Variants in FBXO31 observed in about 807,000 individuals in gnomAD.
FBXO31 encodes the protein F-box protein 31, also known as F-box only protein 31.
FBXO31 carries 24 observed loss-of-function variants against 54.4 expected under a neutral mutation model. That is an observed-to-expected ratio of 0.44 (90% CI 0.32 to 0.62). The LOEUF (loss-of-function observed/expected upper bound fraction) is 0.62, where lower values mean the gene tolerates loss of function less well. FBXO31 is among the 20% of genes least tolerant of loss of function. The pLI, the probability that FBXO31 is intolerant of heterozygous loss-of-function variation, is 0.05. For missense variants in FBXO31, 665 were observed against 787.1 expected, an observed-to-expected ratio of 0.84 and a Z score of 1.86; for synonymous variants, 388 against 335.6, an observed-to-expected ratio of 1.16 and a Z score of -1.71.
chr16:87,346,668 G>C lies in FBXO31; in HGVS notation c.489+506C>G, dbSNP rs1309672199. On this transcript the variant is annotated intron_variant, in intron 3 of 8. Coordinates refer to ENST00000311635, the MANE Select transcript of FBXO31 (RefSeq NM_024735.5). The surrounding 1 kb of genome is among the most constrained non-coding windows in gnomAD (Gnocchi z 4.2). Reference sequence around the variant, plus strand: ...TTCTAGCACTTTCTAGCAGGGGCCAGCCACCTGCCCAGAGCTCAACAAAGT... The same window carrying C: ...TTCTAGCACTTTCTAGCAGGGGCCACCCACCTGCCCAGAGCTCAACAAAGT... Among the ~76,000 whole-genome samples the C allele has an allele frequency of 6.6e-6, 1 of 152,228 alleles. No homozygotes were observed. Among genetic ancestry groups the C allele is most frequent in the Non-Finnish European group, 1.5e-5 (1 of 68,048 alleles).
At chr16:87,385,393 G>C (rs1452580656), upstream of FBXO31, among the ~76,000 whole-genome samples, 2 of 151,640 alleles carry the variant, frequency 1.3e-5, no homozygotes, top group African/African-American at 4.8e-5. Flanking sequence ...GGGAGGCAGA[G>C]CTTGCAGTGA....
chr16:87,335,230 A>T lies in FBXO31; in HGVS notation c.996+74T>A. ...GGGTGCCGGGGATCAGTGTCTGCCC[A>T]AGTTCCCTGACTCCACAGCCCACTT... is the stretch of plus-strand genomic sequence containing the variant. On this transcript the variant is annotated intron_variant, in intron 7 of 8. Coordinates refer to ENST00000311635, the MANE Select transcript of FBXO31 (RefSeq NM_024735.5). The surrounding 1 kb of genome is among the most constrained non-coding windows in gnomAD (Gnocchi z 5.7). 1 of 1,596,396 alleles carries T rather than the reference A, an allele frequency of 6.3e-7. No individual in the cohort carries two copies. Among genetic ancestry groups the T allele is most frequent in the Admixed American group, 1.7e-5 (1 of 59,970 alleles).
chr16:87,331,211 T>G lies in FBXO31; in HGVS notation c.*77A>C, dbSNP rs1904842660. 1 of 1,458,394 alleles carries G rather than the reference T, an allele frequency of 6.9e-7. No individual in the cohort carries two copies. Among genetic ancestry groups the G allele is most frequent in the Non-Finnish European group, 9.5e-7 (1 of 1,051,624 alleles). 90.3% of individuals were successfully genotyped at this position (1,458,394 alleles called of 1,614,324 possible). On this transcript the variant is annotated 3_prime_UTR_variant, in exon 9 of 9. Coordinates refer to ENST00000311635, the MANE Select transcript of FBXO31 (RefSeq NM_024735.5). ...TGGTCAAAAGGCCGGATTTCCAAAG[T>G]GCATGCTGCTTCTATTCACAGGTCA...
At chr16:87,391,244 C>G (rs573425340), upstream of FBXO31, among the ~76,000 whole-genome samples, 1 of 152,148 alleles carries the variant, frequency 6.6e-6, no homozygotes, top group Non-Finnish European at 1.5e-5. Context: ...GCGACCGAGG[C>G]CGCCGCGAGC....
chr16:87,348,089 G>A (rs1158767752), intron 2 of FBXO31, among the ~76,000 whole-genome samples: 1 of 152,128 alleles, frequency 6.6e-6, no homozygotes, highest in Admixed American at 6.5e-5. Flanking sequence ...ACCCCATGGG[G>A]TATGGGCCAC....
intron 1 of FBXO31, among the ~76,000 whole-genome samples, chr16:87,373,608 A>G (rs1906696859): frequency 6.6e-6 from 1 of 151,410 alleles, no homozygotes; most frequent in South Asian, 2.1e-4. Context: ...AGCTCACTGC[A>G]GCCTTGAACT....
chr16:87,381,385 G>A (rs993984193), intron 1 of FBXO31, among the ~76,000 whole-genome samples: 1 of 152,174 alleles, frequency 6.6e-6, no homozygotes, highest in African/African-American at 2.4e-5. Context: ...ATTTAGGGGA[G>A]AGGGCTTCAC....
At position 87,358,222 on chromosome 16, in the gene FBXO31, G is replaced by C. The variant is rs1187979213; in HGVS notation, c.412+2073C>G. ...AAATGCAGCCTGGGTCCAACACACAGGTGTGATCTCTGTCACAGCTGAAGC... is the reference window on the plus strand; with the variant it reads ...AAATGCAGCCTGGGTCCAACACACACGTGTGATCTCTGTCACAGCTGAAGC... On this transcript the variant is annotated intron_variant, in intron 2 of 8. Transcript: ENST00000311635. The surrounding 1 kb of genome is among the most constrained non-coding windows in gnomAD (Gnocchi z 4.0). Among the ~76,000 whole-genome samples, 3 of 152,126 alleles carry C rather than the reference G, an allele frequency of 2.0e-5. No individual in the cohort carries two copies. Among genetic ancestry groups the C allele is most frequent in the Non-Finnish European group, 4.4e-5 (3 of 68,036 alleles).
At chr16:87,353,324 G>A (rs542209680) in intron 2 of FBXO31, among the ~76,000 whole-genome samples, 7 of 152,288 alleles carry the variant, frequency 4.6e-5, no homozygotes, top group South Asian at 2.1e-4. Context: ...CTCAGGACCC[G>A]CACCTTTACC....
chr16:87,347,438 A>C (rs1400886961), intron 2 of FBXO31, among the ~76,000 whole-genome samples, 188 bp from the exon 3 acceptor site: 1 of 152,178 alleles, frequency 6.6e-6, no homozygotes, highest in African/African-American at 2.4e-5. Context: ...TCACGCCTTT[A>C]ATCCCAGCAC....
chr16:87,363,208 A>G (rs1029625574), intron 1 of FBXO31, among the ~76,000 whole-genome samples: 1 of 152,066 alleles, frequency 6.6e-6, no homozygotes, highest in African/African-American at 2.4e-5. Flanking sequence ...AACATGGAGA[A>G]ACCCCGTCTC....
chr16:87,383,576 C>T lies in FBXO31; in HGVS notation c.169G>A (p.Gly57Ser), dbSNP rs1284897727. Residue 57 changes from glycine (G) to serine (S), a missense_variant, in exon 1 of 9, where the codon GGC (glycine) becomes AGC (serine). Around this residue, in one of 4 missense-constraint regions of FBXO31, gnomAD observed 195 missense variants for 174.8 expected, o/e 1.12. Transcript: ENST00000311635. The surrounding 1 kb of genome is among the most constrained non-coding windows in gnomAD (Gnocchi z 4.9). Reference protein sequence around the residue: ...SAGVGGGLCAGPSPPPPRCSL... With the variant: ...SAGVGGGLCASPSPPPPRCSL... ...CAGCGCGGGGGCGGCGGCGAGGGGC[C>T]CGCGCACAAGCCGCCCCCGACCCCG... 6.0e-6 allele frequency: 9 copies of T among 1,507,146 alleles called. No homozygotes were observed. Among genetic ancestry groups the T allele is most frequent in the Non-Finnish European group, 7.9e-6 (9 of 1,133,268 alleles). 93.4% of individuals were successfully genotyped at this position (1,507,146 alleles called of 1,614,324 possible). A position where few individuals can be genotyped will look rare whatever the true frequency, so the allele number is the denominator to read the frequency against.
intron 2 of FBXO31, among the ~76,000 whole-genome samples, chr16:87,355,483 T>C (rs1046593090): frequency 2.6e-5 from 4 of 152,198 alleles, no homozygotes; most frequent in African/African-American, 9.6e-5. Flanking sequence ...ACACAAGAAC[T>C]TTTTCTTCCT....
Position 87,346,104 on chromosome 16 carries a change from C to A in FBXO31, c.489+1070G>T, listed in dbSNP as rs1905374252. Among the ~76,000 whole-genome samples, 1 of 152,194 alleles carries A rather than the reference C, an allele frequency of 6.6e-6. No individual in the cohort carries two copies. Among genetic ancestry groups the A allele is most frequent in the South Asian group, 2.1e-4 (1 of 4,832 alleles). On this transcript the variant is annotated intron_variant, in intron 3 of 8. Coordinates refer to ENST00000311635, the MANE Select transcript of FBXO31 (RefSeq NM_024735.5). This position sits in a 1 kb window ranked among gnomAD's most constrained non-coding sequence, Gnocchi z 4.2. ...AGGAATCAGGGCCTGGGGATAGAGT[C>A]ACGGACGGCCTCCGGCTGGGCCCTA...
intron 2 of FBXO31, among the ~76,000 whole-genome samples, chr16:87,354,143 G>A (rs552613470): frequency 1.3e-5 from 2 of 152,230 alleles, no homozygotes; most frequent in Admixed American, 6.5e-5. Context: ...TCTGAGTAAA[G>A]GCTAAAATGA....
chr16:87,387,169 G>A (rs920834673), upstream of FBXO31, among the ~76,000 whole-genome samples: 3 of 151,972 alleles, frequency 2.0e-5, no homozygotes, highest in Non-Finnish European at 2.9e-5. Context: ...GACCGTGAGC[G>A]CTTCAGCAAT....
At chr16:87,370,725 G>A (rs1371958318) in intron 1 of FBXO31, among the ~76,000 whole-genome samples, 2 of 152,196 alleles carry the variant, frequency 1.3e-5, no homozygotes, top group Non-Finnish European at 2.9e-5. Context: ...AGTGAAGCCA[G>A]GAGCAGAGGG....
Position 87,346,368 on chromosome 16 carries a change from G to A in FBXO31, c.489+806C>T, listed in dbSNP as rs774623421. 6.6e-6 allele frequency among the ~76,000 whole-genome samples: 1 copy of A among 152,154 alleles called. No homozygotes were observed. Among genetic ancestry groups the A allele is most frequent in the Non-Finnish European group, 1.5e-5 (1 of 68,032 alleles). On this transcript the variant is annotated intron_variant, in intron 3 of 8. Coordinates refer to ENST00000311635, the MANE Select transcript of FBXO31 (RefSeq NM_024735.5). This position sits in a 1 kb window ranked among gnomAD's most constrained non-coding sequence, Gnocchi z 4.2. ...CTGGAGATCAGGAGAAAAGGCGGGGGCTAGACTCGAAAGAAACTTTCACTA... is the reference window on the plus strand; with the variant it reads ...CTGGAGATCAGGAGAAAAGGCGGGGACTAGACTCGAAAGAAACTTTCACTA...
intron 2 of FBXO31, among the ~76,000 whole-genome samples, chr16:87,354,690 G>A (rs1409758803): frequency 2.0e-5 from 3 of 152,014 alleles, no homozygotes; most frequent in East Asian, 2.0e-4. Flanking sequence ...TCCACAGGCC[G>A]GGCACACTGG....
Sources: allele counts gnomAD v4.1 joint callset (sites outside exome capture counted in the v4.1 genomes callset), GRCh38; gene constraint gnomAD v4.1.1; regional missense constraint gnomAD v4.1.1; non-coding constraint Gnocchi (gnomAD v3.1); transcripts MANE v1.5; gene names NCBI Gene and HGNC (gene_info 2026-07-23, HGNC 2026-07-21).